ENTPD1: variants seen among roughly 807,000 people sequenced by gnomAD.
ENTPD1 encodes the protein ATP diphosphohydrolase.
A neutral mutation model predicts 57.0 loss-of-function variants in ENTPD1; 33 were observed. The ratio of observed to expected loss-of-function variants is 0.58; its 90% CI spans 0.44 to 0.77. The LOEUF is 0.77. Ranked by LOEUF, ENTPD1 falls within the 30% of genes least tolerant of loss-of-function variation. The pLI, the probability that ENTPD1 is intolerant of heterozygous loss-of-function variation, is 0.00. For missense variants in ENTPD1, 501 were observed against 603.4 expected (o/e 0.83, Z 1.78); for synonymous variants, 202 against 218.8 (o/e 0.92, Z 0.68).
At chr10:95,806,487 G>C (rs577308705) in intron 1 of ENTPD1, among the ~76,000 whole-genome samples, 1 of 152,304 alleles carries the variant, frequency 6.6e-6, no homozygotes, top group South Asian at 2.1e-4. Flanking sequence ...GCCTACTTCT[G>C]TCAACTCGTC....
intron 1 of ENTPD1, among the ~76,000 whole-genome samples, chr10:95,795,221 T>G (rs759818325): frequency 1.3e-5 from 2 of 152,064 alleles, no homozygotes; most frequent in African/African-American, 2.4e-5. Flanking sequence ...ATTCCAAGAC[T>G]TGGTACAAGG....
In ENTPD1 at chr10:95,876,506, T is replaced by C; in HGVS notation, c.*10123T>C. The C allele has an allele frequency of 8.1e-7, 1 of 1,231,326 alleles. No homozygotes were observed. The highest frequency in any genetic ancestry group is 1.0e-6 in the Non-Finnish European group (1 of 987,824). The allele number at this position is 1,231,326 out of a possible 1,614,324, so 76.3% of individuals were successfully genotyped here. A position where few individuals can be genotyped will look rare whatever the true frequency, so the allele number is the denominator to read the frequency against. On this transcript the variant is annotated 3_prime_UTR_variant, in exon 10 of 10. Transcript: ENST00000371205. ...CTGTCCTATTCTGTATCTGTATCTC[T>C]TGGATTTTTACCTTTGCAATAGTCA...
chr10:95,782,459 G>A (rs2098161623), intron 1 of ENTPD1, among the ~76,000 whole-genome samples: 1 of 152,186 alleles, frequency 6.6e-6, no homozygotes, highest in Non-Finnish European at 1.5e-5. Context: ...AAAGGAGGTA[G>A]TAAAAATGAA....
chr10:95,820,510 ATAAT>A (rs1365913282), intron 1 of ENTPD1, among the ~76,000 whole-genome samples: 1 of 152,184 alleles, frequency 6.6e-6, no homozygotes, highest in African/African-American at 2.4e-5. Flanking sequence ...AAAGGAAGAA[ATAAT>A]TATAGTCACA....
intron 1 of ENTPD1, among the ~76,000 whole-genome samples, chr10:95,727,510 C>T (rs761944711): frequency 3.9e-5 from 6 of 152,172 alleles, no homozygotes; most frequent in Admixed American, 6.5e-5. Context: ...AATTCCCTCA[C>T]GTGTCAATCA....
chr10:95,828,225 C>T (rs899264054), intron 2 of ENTPD1, among the ~76,000 whole-genome samples: 14 of 152,234 alleles, frequency 9.2e-5, no homozygotes, highest in Admixed American at 4.6e-4. Context: ...TATAGGACCG[C>T]GAACCCTATT....
At chr10:95,745,960 C>T (rs1473443268) in intron 1 of ENTPD1, among the ~76,000 whole-genome samples, 1 of 152,198 alleles carries the variant, frequency 6.6e-6, no homozygotes, top group Non-Finnish European at 1.5e-5. Context: ...GATCTCATGT[C>T]ATACTTCACT....
At chr10:95,795,639 C>T (rs1345215652) in intron 1 of ENTPD1, among the ~76,000 whole-genome samples, 3 of 152,106 alleles carry the variant, frequency 2.0e-5, no homozygotes, top group Non-Finnish European at 4.4e-5. Context: ...AAATAAGTTA[C>T]GTCTTTAAAA....
In ENTPD1 at chr10:95,725,286, A is replaced by G. The variant is rs964734703; in HGVS notation, c.37+13293A>G. ...TTTTCTTTGATTTTTTAACATCATA[A>G]TAACTTCTTGAAATCTCTGCTAAAT... is the stretch of plus-strand genomic sequence containing the variant. On this transcript the variant is annotated intron_variant, in intron 1 of 9. Coordinates refer to the ENTPD1 transcript ENST00000453258. 9.2e-5 allele frequency among the ~76,000 whole-genome samples: 14 copies of G among 152,254 alleles called. No homozygotes were observed. The South Asian group carries it at 2.9e-3, about 32-fold the overall frequency.
In ENTPD1 at chr10:95,868,711, T is replaced by C. The variant is rs2098477080; in HGVS notation, c.*2328T>C. On this transcript the variant is annotated 3_prime_UTR_variant, in exon 10 of 10. Transcript: ENST00000371205. ...AGCAGATACTCCAACTCATGTCTTC[T>C]GGTTGAAGCCTATTGCTTTTTCTTT... The C allele has an allele frequency of 2.0e-6, 2 of 983,852 alleles. No homozygotes were observed. Among genetic ancestry groups the C allele is most frequent in the Non-Finnish European group, 2.4e-6 (2 of 828,656 alleles). 60.9% of individuals were successfully genotyped at this position (983,852 alleles called of 1,614,324 possible).
Position 95,873,120 on chromosome 10 carries a change from C to T in ENTPD1, c.*6737C>T, listed in dbSNP as rs1319628463. 3.5e-5 allele frequency: 34 copies of T among 973,006 alleles called. No homozygotes were observed. Among genetic ancestry groups the T allele is most frequent in the Non-Finnish European group, 4.0e-5 (33 of 818,886 alleles). 60.3% of individuals were successfully genotyped at this position (973,006 alleles called of 1,614,324 possible). A position where few individuals can be genotyped will look rare whatever the true frequency, so the allele number is the denominator to read the frequency against. ...GGTGAGGCCTGAGGTTTTACATTTC[C>T]AACAAGCTGCCAGGTAAAGCCAATA... On this transcript the variant is annotated 3_prime_UTR_variant, in exon 10 of 10. Coordinates refer to ENST00000371205, the MANE Select transcript of ENTPD1 (RefSeq NM_001776.6).
At chr10:95,843,231 C>G (rs541733373) in intron 4 of ENTPD1, 1 of 152,208 alleles carries the variant, frequency 6.6e-6, no homozygotes, top group African/African-American at 2.4e-5. Flanking sequence ...GTTCTAAGTA[C>G]TGAGGATACA....
At chr10:95,826,477 G>A (rs552777989) in intron 2 of ENTPD1, among the ~76,000 whole-genome samples, 16 of 151,716 alleles carry the variant, frequency 1.1e-4, no homozygotes, top group Non-Finnish European at 2.1e-4. Flanking sequence ...GGAAGCTGAG[G>A]TGCGAGAATC....
chr10:95,809,846 A>G (rs2098294953), intron 1 of ENTPD1, among the ~76,000 whole-genome samples: 1 of 145,264 alleles, frequency 6.9e-6, no homozygotes, highest in African/African-American at 2.6e-5. Flanking sequence ...GGCCGGGCTG[A>G]GATGCTCCTC....
intron 1 of ENTPD1, among the ~76,000 whole-genome samples, chr10:95,813,361 G>C (rs968522123): frequency 6.6e-6 from 1 of 152,198 alleles, no homozygotes; most frequent in Admixed American, 6.5e-5. Context: ...AAAAAATGGT[G>C]GTGACCTTAG....
rs2098485695 is a variant in ENTPD1 at position 95,876,292 on chromosome 10, T to C, written c.*9909T>C. 1 of 982,186 alleles carries C rather than the reference T, an allele frequency of 1.0e-6. No homozygotes were observed. The highest frequency in any genetic ancestry group is 4.7e-5 in the South Asian group (1 of 21,216). 60.8% of individuals were successfully genotyped at this position (982,186 alleles called of 1,614,324 possible). A position where few individuals can be genotyped will look rare whatever the true frequency, so the allele number is the denominator to read the frequency against. ...ATTTTGACATCCAACTTATTAATTA[T>C]GAAATGACTTTTGGCCTAGTAACAA... On this transcript the variant is annotated 3_prime_UTR_variant, in exon 10 of 10. Coordinates refer to ENST00000371205, the MANE Select transcript of ENTPD1 (RefSeq NM_001776.6).
At chr10:95,752,046 G>A (rs1056938629), upstream of ENTPD1, among the ~76,000 whole-genome samples, 4 of 152,152 alleles carry the variant, frequency 2.6e-5, no homozygotes, top group Admixed American at 1.3e-4. Flanking sequence ...AGACATGAGG[G>A]GGGTTCTGGA....
chr10:95,826,710 C>A (rs190204645), intron 2 of ENTPD1, among the ~76,000 whole-genome samples: 1 of 151,992 alleles, frequency 6.6e-6, no homozygotes, highest in African/African-American at 2.4e-5. Context: ...TGGGGAGGTA[C>A]GTGGTGCAGG....
chr10:95,855,671 T>G (rs1443175869), intron 7 of ENTPD1, among the ~76,000 whole-genome samples: 4 of 152,302 alleles, frequency 2.6e-5, no homozygotes, highest in East Asian at 1.9e-4. Flanking sequence ...GTCTGTAAAG[T>G]ATTTTATTTC....
Sources: allele counts gnomAD v4.1 joint callset (sites outside exome capture counted in the v4.1 genomes callset), GRCh38; gene constraint gnomAD v4.1.1; transcripts MANE v1.5; gene names NCBI Gene and HGNC (gene_info 2026-07-23, HGNC 2026-07-21).